Variants in GREB1L observed in about 807,000 individuals in gnomAD.
The protein encoded by GREB1L is GREB1-like protein.
A neutral mutation model predicts 200.8 loss-of-function variants in GREB1L; 17 were observed. The observed-to-expected ratio is 0.08, with a 90% CI of 0.06 to 0.13. GREB1L has a LOEUF of 0.13. Ranked by LOEUF, GREB1L falls within the 10% of genes least tolerant of loss-of-function variation. GREB1L has a pLI of 1.00. For missense variants in GREB1L, 1,657 were observed against 2,367.7 expected (o/e 0.70, Z 6.23); for synonymous variants, 789 against 893.0 (o/e 0.88, Z 2.08).
intron 1 of GREB1L, among the ~76,000 whole-genome samples, chr18:21,361,735 T>C (rs78011212): frequency 0.15 from 22,718 of 151,854 alleles, 3,677 homozygotes; most frequent in African/African-American, 0.4. Flanking sequence ...AAAAAAAAAG[T>C]TTTGTTTTTG....
chr18:21,288,826 C>T (rs984947128), intron 1 of GREB1L, among the ~76,000 whole-genome samples: 4 of 151,968 alleles, frequency 2.6e-5, no homozygotes, highest in Non-Finnish European at 5.9e-5. Context: ...CAACCTCCAC[C>T]TTCTGGTTTC....
intron 1 of GREB1L, among the ~76,000 whole-genome samples, chr18:21,268,575 A>ATATATATATATATACATG (rs2038025227): frequency 8.2e-6 from 1 of 121,224 alleles, no homozygotes; most frequent in Non-Finnish European, 1.6e-5. Context: ...ATATATATAT[A>ATATATATATATATACATG]TATATATATA....
At chr18:21,355,178 G>T (rs541296162) in intron 1 of GREB1L, among the ~76,000 whole-genome samples, 1 of 150,902 alleles carries the variant, frequency 6.6e-6, no homozygotes, top group African/African-American at 2.5e-5. Flanking sequence ...GGAATCACAT[G>T]CTGTCTTTTG....
chr18:21,422,872 A>G (rs1026231024), intron 7 of GREB1L, among the ~76,000 whole-genome samples: 17 of 152,182 alleles, frequency 1.1e-4, no homozygotes, highest in African/African-American at 4.1e-4. Flanking sequence ...ACAGAGGCTC[A>G]CTAATTGAGT....
At chr18:21,461,245 A>G (rs533837510) in intron 15 of GREB1L, among the ~76,000 whole-genome samples, 6 of 152,142 alleles carry the variant, frequency 3.9e-5, no homozygotes, top group Admixed American at 1.3e-4. Context: ...GCCTCACCCC[A>G]GATAGAGTTT....
chr18:21,274,376 GTATATA>G (rs149804804), intron 1 of GREB1L, among the ~76,000 whole-genome samples: 2 of 150,744 alleles, frequency 1.3e-5, no homozygotes, highest in African/African-American at 2.4e-5. Context: ...CAAATACCAA[GTATATA>G]TATATATACA....
chr18:21,473,443 G>A (rs2035560196), intron 16 of GREB1L, among the ~76,000 whole-genome samples: 1 of 151,818 alleles, frequency 6.6e-6, no homozygotes, highest in African/African-American at 2.4e-5. Flanking sequence ...GGTAGTGCAT[G>A]CCTGTAATCC....
At chr18:21,259,006 A>G (rs1030342842) in intron 1 of GREB1L, among the ~76,000 whole-genome samples, 4 of 152,318 alleles carry the variant, frequency 2.6e-5, no homozygotes, top group Admixed American at 2.6e-4. Flanking sequence ...CATATTGCTT[A>G]TTAGATTTTA....
At chr18:21,468,301 T>C (rs2035345770) in intron 15 of GREB1L, among the ~76,000 whole-genome samples, 1 of 152,208 alleles carries the variant, frequency 6.6e-6, no homozygotes, top group Non-Finnish European at 1.5e-5. Context: ...TTGCATCTTG[T>C]ACAATCCCAC....
chr18:21,464,585 A>G (rs180864619), intron 15 of GREB1L, among the ~76,000 whole-genome samples: 3 of 152,048 alleles, frequency 2.0e-5, no homozygotes, highest in East Asian at 1.9e-4. Flanking sequence ...AATATTCACA[A>G]AGTCTCAAAG....
intron 2 of GREB1L, among the ~76,000 whole-genome samples, chr18:21,381,797 G>A (rs1159102851): frequency 4.6e-5 from 7 of 152,164 alleles, no homozygotes; most frequent in East Asian, 1.9e-4. Flanking sequence ...GAGGCATTCC[G>A]TTCCAAATAA....
chr18:21,514,969 C>G (rs1377583517), intron 28 of GREB1L, among the ~76,000 whole-genome samples: 1 of 152,220 alleles, frequency 6.6e-6, no homozygotes, highest in Admixed American at 6.5e-5. Flanking sequence ...ACTCCCATTG[C>G]AACACTGTGC....
chr18:21,345,824 A>G (rs901179137), intron 1 of GREB1L, among the ~76,000 whole-genome samples: 5 of 150,924 alleles, frequency 3.3e-5, no homozygotes, highest in Non-Finnish European at 2.9e-5. Context: ...GTGAGCTGAG[A>G]TCATGCCATT....
rs80341662 is a variant in GREB1L at position 21,476,259 on chromosome 18, A to G, written c.2364-905A>G. Among the ~76,000 whole-genome samples the G allele has an allele frequency of 2.4e-3, 373 of 152,264 alleles. 5 individuals are homozygous for G. The East Asian group carries it at 0.055, about 23-fold the overall frequency. On this transcript the variant is annotated intron_variant, in intron 16 of 32. Transcript: ENST00000424526. ...GAAGTTTTTGGTTTGTGGTAGGGAA[A>G]TGTCAGAATTGCAAAGCTCTTTTTC...
intron 1 of GREB1L, among the ~76,000 whole-genome samples, chr18:21,326,118 C>T (rs1302569564): frequency 6.6e-6 from 1 of 152,078 alleles, no homozygotes; most frequent in African/African-American, 2.4e-5. Flanking sequence ...CTGTAGGATT[C>T]AAACAGTCTT....
At chr18:21,390,059 A>G (rs538301924) in intron 4 of GREB1L, among the ~76,000 whole-genome samples, 5 of 152,292 alleles carry the variant, frequency 3.3e-5, no homozygotes, top group African/African-American at 9.6e-5. Context: ...TGTAGGTTCC[A>G]AAACTGAAAA....
intron 1 of GREB1L, among the ~76,000 whole-genome samples, chr18:21,267,627 C>A (rs567594389): frequency 2.0e-5 from 3 of 152,158 alleles, no homozygotes; most frequent in Non-Finnish European, 2.9e-5. Context: ...TCAGTAAATA[C>A]CTGTTGATAG....
At chr18:21,457,684 G>A (rs1598873651) in intron 15 of GREB1L, among the ~76,000 whole-genome samples, 2 of 151,964 alleles carry the variant, frequency 1.3e-5, no homozygotes, top group African/African-American at 4.8e-5. Flanking sequence ...TACAAAAAAA[G>A]TATTTATTTT....
chr18:21,449,521 G>A lies in GREB1L; in HGVS notation c.1405G>A (p.Val469Ile). 6 of 1,535,678 alleles carry A rather than the reference G, an allele frequency of 3.9e-6. No homozygotes were observed. Among genetic ancestry groups the A allele is most frequent in the Non-Finnish European group, 5.3e-6 (6 of 1,136,378 alleles). Reference sequence around the variant, plus strand: ...TCTCTTCTATATAGGTCCTGATCAGGTACCTCTCAGGGAAGAATTTGAGCA... The same window carrying A: ...TCTCTTCTATATAGGTCCTGATCAGATACCTCTCAGGGAAGAATTTGAGCA... Reference protein sequence around the residue: ...QYLVRLGPDQVPLREEFEQIM... With the variant: ...QYLVRLGPDQIPLREEFEQIM... Residue 469 changes from valine to isoleucine, a missense_variant, in exon 12 of 33, where the codon GTA becomes ATA. By Grantham distance (29) the Val-to-Ile change is conservative (BLOSUM62 3). Transcript: ENST00000424526.
Sources: gnomAD v4.1 joint callset for allele counts (sites outside exome capture counted in the v4.1 genomes callset) on GRCh38, gnomAD v4.1.1 for gene constraint, MANE v1.5 for transcripts, NCBI Gene and HGNC (gene_info 2026-07-23, HGNC 2026-07-21) for gene names.